The following DYNC2H1 variants were observed in gnomAD, a reference collection of about 807,000 sequenced individuals.
DYNC2H1 encodes the protein dynein cytoplasmic 2 heavy chain 1, also known as cytoplasmic dynein 2 heavy chain 1.
Under a neutral mutation model 570.0 loss-of-function variants are expected in DYNC2H1, and 410 were observed. That is an observed-to-expected ratio of 0.72 (90% CI 0.66 to 0.78). The LOEUF (loss-of-function observed/expected upper bound fraction) is 0.78. Ranked by LOEUF, DYNC2H1 falls within the 30% of genes least tolerant of loss-of-function variation. The pLI is 0.00. For missense variants in DYNC2H1, 4,865 were observed against 5,046.4 expected, an observed-to-expected ratio of 0.96 and a Z score of 1.09; for synonymous variants, 1,688 against 1,677.6, an observed-to-expected ratio of 1.01 and a Z score of -0.15.
intron 40 of DYNC2H1, among the ~76,000 whole-genome samples, chr11:103,183,744 A>G (rs1043195969): frequency 6.6e-6 from 1 of 151,504 alleles, no homozygotes; most frequent in Non-Finnish European, 1.5e-5. Context: ...AAAATCTGGA[A>G]CTCTCAGTAT....
At chr11:103,303,396 A>AT in intron 76 of DYNC2H1, 143 bp downstream of exon 76, 1 of 835,992 alleles carries the variant, frequency 1.2e-6, no homozygotes, top group Non-Finnish European at 1.7e-6. Context: ...AGAACTGTGG[A>AT]TATGTTATTT....
intron 82 of DYNC2H1, among the ~76,000 whole-genome samples, chr11:103,354,508 G>A (rs1371451641): frequency 6.6e-6 from 1 of 151,836 alleles, no homozygotes. Context: ...TACTTCAATA[G>A]ATTTATAAAT....
At chr11:103,371,945 TTTTTTTTG>T (rs1941171884) in intron 83 of DYNC2H1, among the ~76,000 whole-genome samples, 1 of 145,394 alleles carries the variant, frequency 6.9e-6, no homozygotes, top group Non-Finnish European at 1.5e-5. Context: ...TTTTTTTTTT[TTTTTTTTG>T]TCTTGCCTAA....
intron 73 of DYNC2H1, among the ~76,000 whole-genome samples, chr11:103,283,650 A>G (rs1565461099): frequency 1.3e-5 from 2 of 152,176 alleles, no homozygotes; most frequent in Admixed American, 6.5e-5. Context: ...TAACATCATG[A>G]GGTAGCTATT....
Position 103,135,961 on chromosome 11 carries a change from T to C in DYNC2H1, c.2574+13T>C, listed in dbSNP as rs1303687396. 1 of 1,525,746 alleles carries C rather than the reference T, an allele frequency of 6.6e-7. No individual in the cohort carries two copies. The highest frequency in any genetic ancestry group is 2.3e-5 in the East Asian group (1 of 44,022). 94.5% of individuals were successfully genotyped at this position (1,525,746 alleles called of 1,614,324 possible). On this transcript the variant is annotated intron_variant, in intron 17 of 88. Coordinates refer to ENST00000375735, the MANE Select transcript of DYNC2H1 (RefSeq NM_001377.3). ...ACACCAACATAAGGTATAGAACATG[T>C]AATGTTCCATCCTTCCATCATAAAA...
chr11:103,250,717 G>A (rs1326055630), intron 65 of DYNC2H1, among the ~76,000 whole-genome samples: 1 of 151,752 alleles, frequency 6.6e-6, no homozygotes, highest in Non-Finnish European at 1.5e-5. Context: ...TCTAATATAT[G>A]CATTTATGTC....
rs1643308578 is a variant in DYNC2H1 at position 103,245,219 on chromosome 11, T to TAATTAATA, written c.9919-31_9919-24dup. 7.0e-7 allele frequency: 1 copy of TAATTAATA among 1,431,220 alleles called. No homozygotes were observed. The highest frequency in any genetic ancestry group is 9.4e-7 in the Non-Finnish European group (1 of 1,063,210). 88.7% of individuals were successfully genotyped at this position (1,431,220 alleles called of 1,614,324 possible). A position where few individuals can be genotyped will look rare whatever the true frequency, so the allele number is the denominator to read the frequency against. Reference sequence around the variant, plus strand: ...GTTTGTAAATATTAAAGTAATTAAATAATTAATACGTATTCTTTTTTATTC... The same window carrying TAATTAATA: ...GTTTGTAAATATTAAAGTAATTAAATAATTAATAAATTAATACGTATTCTTTTTTATTC... On this transcript the variant is annotated intron_variant, in intron 64 of 88. Coordinates refer to ENST00000375735, the MANE Select transcript of DYNC2H1 (RefSeq NM_001377.3). The surrounding 1 kb of genome is among the most constrained non-coding windows in gnomAD (Gnocchi z 4.5).
Position 103,244,833 on chromosome 11 carries a change from G to T in DYNC2H1, c.9919-418G>T, listed in dbSNP as rs1864550993. Among the ~76,000 whole-genome samples the T allele has an allele frequency of 6.7e-6, 1 of 149,562 alleles. No individual in the cohort carries two copies. The highest frequency in any genetic ancestry group is 2.5e-5 in the African/African-American group (1 of 40,788). On this transcript the variant is annotated intron_variant, in intron 64 of 88. Coordinates refer to ENST00000375735, the MANE Select transcript of DYNC2H1 (RefSeq NM_001377.3). The surrounding 1 kb of genome is among the most constrained non-coding windows in gnomAD (Gnocchi z 4.3). ...TTATAGACATATAAGTAACTATATAGTTACTTTTATATATATGTACACACA... is the reference window on the plus strand; with the variant it reads ...TTATAGACATATAAGTAACTATATATTTACTTTTATATATATGTACACACA...
At chr11:103,180,623 G>T (rs2135007043) in intron 39 of DYNC2H1, among the ~76,000 whole-genome samples, 1 of 151,606 alleles carries the variant, frequency 6.6e-6, no homozygotes, top group Non-Finnish European at 1.5e-5. Flanking sequence ...GATATTTGTT[G>T]AGCACTTGCT....
intron 87 of DYNC2H1, among the ~76,000 whole-genome samples, chr11:103,467,601 G>C (rs1196913792): frequency 6.6e-6 from 1 of 152,062 alleles, no homozygotes; most frequent in Non-Finnish European, 1.5e-5. Context: ...GTGGTGGCGC[G>C]ATCTCGGCTC....
chr11:103,285,043 A>AT (rs1866291455), intron 73 of DYNC2H1, among the ~76,000 whole-genome samples: 1 of 152,240 alleles, frequency 6.6e-6, no homozygotes, highest in Non-Finnish European at 1.5e-5. Flanking sequence ...TTAGAGACAA[A>AT]TAGAGGCATT....
At chr11:103,192,322 T>C (rs1862350940) in intron 47 of DYNC2H1, 58 bp downstream of exon 47, 1 of 1,311,996 alleles carries the variant, frequency 7.6e-7, no homozygotes, top group Admixed American at 2.8e-5. Flanking sequence ...AGAAATTTTT[T>C]CTTACCCAGA....
chr11:103,477,365 T>C (rs865873205), intron 88 of DYNC2H1, among the ~76,000 whole-genome samples: 12 of 152,170 alleles, frequency 7.9e-5, no homozygotes, highest in Admixed American at 6.5e-5. Flanking sequence ...CTAGCTTGCC[T>C]CTTAAGTTCC....
At chr11:103,193,450 C>T (rs550339841) in intron 47 of DYNC2H1, among the ~76,000 whole-genome samples, 3 of 152,142 alleles carry the variant, frequency 2.0e-5, no homozygotes, top group Non-Finnish European at 2.9e-5. Flanking sequence ...GTATCTTTCA[C>T]AGTCTCCTGT....
chr11:103,354,636 T>C (rs1281573265), intron 82 of DYNC2H1, among the ~76,000 whole-genome samples: 2 of 152,140 alleles, frequency 1.3e-5, no homozygotes, highest in Admixed American at 6.5e-5. Flanking sequence ...TAGTGCACTC[T>C]CAGTTTTGTC....
chr11:103,138,676 T>A (rs1382757121), intron 17 of DYNC2H1, among the ~76,000 whole-genome samples: 1 of 152,226 alleles, frequency 6.6e-6, no homozygotes, highest in African/African-American at 2.4e-5. Flanking sequence ...GAAATTCTCT[T>A]TTTTGGTTGT....
chr11:103,386,218 G>A (rs1252506819), intron 83 of DYNC2H1, among the ~76,000 whole-genome samples: 2 of 152,112 alleles, frequency 1.3e-5, no homozygotes, highest in Non-Finnish European at 2.9e-5. Flanking sequence ...TTTTTATTTT[G>A]AGCAACTGTG....
chr11:103,348,767 C>T (rs921501720), intron 82 of DYNC2H1, among the ~76,000 whole-genome samples: 2 of 152,106 alleles, frequency 1.3e-5, no homozygotes, highest in Non-Finnish European at 2.9e-5. Context: ...ACCCAAATCT[C>T]ATCTTGAATT....
At chr11:103,255,575 T>G in intron 67 of DYNC2H1, 41 bp downstream of exon 67, 2 of 1,492,190 alleles carry the variant, frequency 1.3e-6, no homozygotes, top group Non-Finnish European at 1.8e-6. Context: ...TCGTATTACT[T>G]TTTTTTTAAT....
Sources: allele counts gnomAD v4.1 joint callset (sites outside exome capture counted in the v4.1 genomes callset), GRCh38; gene constraint gnomAD v4.1.1; non-coding constraint Gnocchi (gnomAD v3.1); transcripts MANE v1.5; gene names NCBI Gene and HGNC (gene_info 2026-07-23, HGNC 2026-07-21).